The following ATP5IF1 variants were observed in gnomAD, a reference collection of about 807,000 sequenced individuals.
The protein encoded by ATP5IF1 is ATP synthase inhibitory factor subunit 1.
ATP5IF1 carries 12 observed loss-of-function variants against 8.5 expected under a neutral mutation model. The ratio of observed to expected loss-of-function variants is 1.41; its 90% CI spans 0.90 to 2.28. The LOEUF (loss-of-function observed/expected upper bound fraction) is 2.28. Among genes scored for constraint, ATP5IF1 ranks in the 30% most tolerant of loss-of-function variants. The pLI is 0.00. For missense variants in ATP5IF1, 154 were observed against 140.2 expected (o/e 1.10, Z -0.50); for synonymous variants, 51 against 53.4 (o/e 0.96, Z 0.19).
intron 2 of ATP5IF1, chr1:28,236,964 T>A: frequency 5.7e-6 from 6 of 1,054,072 alleles, no homozygotes; most frequent in Non-Finnish European, 6.9e-6. Context: ...AGAGTGAGGA[T>A]GATGGGAGCT....
Position 28,236,165 on chromosome 1 carries a change from A to AGCTCCAGCGACGCCAGG in ATP5IF1, c.-18_-17insCTCCAGCGACGCCAGGG. 1 of 1,610,922 alleles carries AGCTCCAGCGACGCCAGG rather than the reference A, an allele frequency of 6.2e-7. No homozygotes were observed. Among genetic ancestry groups the AGCTCCAGCGACGCCAGG allele is most frequent in the Non-Finnish European group, 8.5e-7 (1 of 1,179,770 alleles). On this transcript the variant is annotated 5_prime_UTR_variant, in exon 1 of 3. Coordinates refer to ENST00000335514, the MANE Select transcript of ATP5IF1 (RefSeq NM_016311.5). ...CTGCTTGCTGCGGCAGAGACGCCAG[A>AGCTCCAGCGACGCCAGG]GGTGCAGCTCCAGCAGCAATGGCAG...
chr1:28,237,649 C>A, intron 2 of ATP5IF1, 188 bp from the exon 3 acceptor site: 5 of 1,520,476 alleles, frequency 3.3e-6, no homozygotes, highest in Non-Finnish European at 4.4e-6. Context: ...CTTTGGTCTT[C>A]TTAAGATGGC....
In ATP5IF1 at chr1:28,238,019, A is replaced by G. The variant is rs777250196; in HGVS notation, c.*41A>G. 2 of 1,569,856 alleles carry G rather than the reference A, an allele frequency of 1.3e-6. No individual in the cohort carries two copies. Among genetic ancestry groups the G allele is most frequent in the African/African-American group, 1.4e-5 (1 of 73,968 alleles). On this transcript the variant is annotated 3_prime_UTR_variant, in exon 3 of 3. Coordinates refer to ENST00000335514, the MANE Select transcript of ATP5IF1 (RefSeq NM_016311.5). ...CATAGAATGGCACATGTCATTGCCC[A>G]CTTCTGTGTAGACATGGTTCTGGTT...
Position 28,236,408 on chromosome 1 carries a change from G to T in ATP5IF1, c.135G>T (p.Gly45=). The change falls in exon 2 of 3, where the codon GGG becomes GGT. Residue 45 remains glycine (G), a synonymous_variant. Coordinates refer to ENST00000335514, the MANE Select transcript of ATP5IF1 (RefSeq NM_016311.5). ...RGAGSIREAG[G]AFGKREQAEE... is the part of the protein sequence containing the mutation. ...CGGGCTCCATCCGGGAAGCCGGTGG[G>T]GCCTTCGGAAAGAGAGAGCAGGCTG... The T allele has an allele frequency of 3.1e-6, 5 of 1,614,206 alleles. No homozygotes were observed. Among genetic ancestry groups the T allele is most frequent in the African/African-American group, 1.3e-5 (1 of 75,044 alleles).
In ATP5IF1 at chr1:28,236,565, C is replaced by T. The variant is rs79599511; in HGVS notation, c.179+113C>T. On this transcript the variant is annotated intron_variant, in intron 2 of 2. Coordinates refer to ENST00000335514, the MANE Select transcript of ATP5IF1 (RefSeq NM_016311.5). ...CTGGTGCCTTGGGCGCCCCATCCCC[C>T]AACAGAACTCCCGGGCCCCAATCCA... is the stretch of plus-strand genomic sequence containing the variant. 7.6e-4 allele frequency: 1,184 copies of T among 1,557,540 alleles called. 9 individuals are homozygous for T. The African/African-American group carries it at 0.015, about 20-fold the overall frequency.
At chr1:28,236,665 G>GC in intron 2 of ATP5IF1, 1 of 1,463,726 alleles carries the variant, frequency 6.8e-7, no homozygotes, top group Non-Finnish European at 9.0e-7. Context: ...ACAGTTTCAG[G>GC]CCCCCAAACC....
chr1:28,237,233 G>C (rs1647045120), intron 2 of ATP5IF1: 1 of 994,164 alleles, frequency 1.0e-6, no homozygotes, highest in African/African-American at 1.7e-5. Flanking sequence ...CTGCCATACC[G>C]TATAGAGAGC....
rs1647036503 is a variant in ATP5IF1 at position 28,236,411 on chromosome 1, C to T, written c.138C>T (p.Ala46=). 2 of 1,614,084 alleles carry T rather than the reference C, an allele frequency of 1.2e-6. No individual in the cohort carries two copies. The highest frequency in any genetic ancestry group is 1.1e-5 in the South Asian group (1 of 91,092). The change falls in exon 2 of 3, where the codon GCC becomes GCT. Residue 46 remains alanine, a synonymous_variant. Coordinates refer to ENST00000335514, the MANE Select transcript of ATP5IF1 (RefSeq NM_016311.5). ...GAGSIREAGG[A]FGKREQAEEE... is the part of the protein sequence containing the mutation. ...GCTCCATCCGGGAAGCCGGTGGGGCCTTCGGAAAGAGAGAGCAGGCTGAAG... is the reference window on the plus strand; with the variant it reads ...GCTCCATCCGGGAAGCCGGTGGGGCTTTCGGAAAGAGAGAGCAGGCTGAAG...
chr1:28,237,731 A>G (rs751735945), intron 2 of ATP5IF1, 106 bp from the exon 3 acceptor site: 15 of 1,613,310 alleles, frequency 9.3e-6, no homozygotes, highest in Middle Eastern at 1.6e-4. Context: ...CTAGACTCCC[A>G]TGGAATTGGA....
intron 2 of ATP5IF1, chr1:28,237,065 C>T: frequency 1.0e-6 from 1 of 998,600 alleles, no homozygotes; most frequent in Non-Finnish European, 1.2e-6. Flanking sequence ...CCCTCTCCTG[C>T]TTAGGAGTAT....
intron 2 of ATP5IF1, chr1:28,236,808 C>T (rs1167260539): frequency 2.5e-6 from 3 of 1,203,590 alleles, no homozygotes; most frequent in African/African-American, 3.1e-5. Context: ...GATCCGACCG[C>T]CCAACGTTTG....
chr1:28,236,146 G>C lies in ATP5IF1; in HGVS notation c.-38G>C, dbSNP rs770197777. 4.4e-6 allele frequency: 7 copies of C among 1,607,380 alleles called. No homozygotes were observed. The highest frequency in any genetic ancestry group is 3.4e-6 in the Non-Finnish European group (4 of 1,179,534). ...ATTAGCGCGTAACGAGAGACTGCTTGCTGCGGCAGAGACGCCAGAGGTGCA... is the reference window on the plus strand; with the variant it reads ...ATTAGCGCGTAACGAGAGACTGCTTCCTGCGGCAGAGACGCCAGAGGTGCA... On this transcript the variant is annotated 5_prime_UTR_variant, in exon 1 of 3. Coordinates refer to ENST00000335514, the MANE Select transcript of ATP5IF1 (RefSeq NM_016311.5).
Position 28,236,380 on chromosome 1 carries a change from G to T in ATP5IF1, c.107G>T (p.Gly36Val). 1 of 1,614,244 alleles carries T rather than the reference G, an allele frequency of 6.2e-7. No homozygotes were observed. Among genetic ancestry groups the T allele is most frequent in the Non-Finnish European group, 8.5e-7 (1 of 1,180,042 alleles). ...CTGCAGTCCGAGAATGTCGACCGGG[G>T]CGCGGGCTCCATCCGGGAAGCCGGT... ...GSDQSENVDR[G>V]AGSIREAGGA... Residue 36 changes from glycine to valine, a missense_variant, in exon 2 of 3, where the codon GGC (glycine) becomes GTC (valine). Gly to Val is a moderately radical substitution (Grantham distance 109). Transcript: ENST00000335514.
At position 28,236,231 on chromosome 1, in the gene ATP5IF1, C is replaced by T. The variant is rs755536761; in HGVS notation, c.48C>T (p.Gly16=). 6.2e-7 allele frequency: 1 copy of T among 1,613,750 alleles called. No individual in the cohort carries two copies. Among genetic ancestry groups the T allele is most frequent in the Non-Finnish European group, 8.5e-7 (1 of 1,179,992 alleles). Reference sequence around the variant, plus strand: ...CGCGGACGTGGCTTGGCGTGTGGGGCGTGAGGACCATGCAAGCCCGAGGCT... The same window carrying T: ...CGCGGACGTGGCTTGGCGTGTGGGGTGTGAGGACCATGCAAGCCCGAGGCT... ...LAARTWLGVW[G]VRTMQARGFG... Residue 16 remains glycine, a synonymous_variant, in exon 1 of 3, where the codon GGC becomes GGT. Transcript: ENST00000335514.
chr1:28,236,956 A>T (rs897082961), intron 2 of ATP5IF1: 1 of 1,059,586 alleles, frequency 9.4e-7, no homozygotes. Context: ...ACTCCGCAAG[A>T]GTGAGGATGA....
rs1055776 is a variant in ATP5IF1 at position 28,237,985 on chromosome 1, A to G, written c.*7A>G. On this transcript the variant is annotated 3_prime_UTR_variant, in exon 3 of 3. Transcript: ENST00000335514. ...GCTAAAACATGATGATTAAGTGCAC[A>G]CCGTGTGCCATAGAATGGCACATGT... 28 of 1,606,416 alleles carry G rather than the reference A, an allele frequency of 1.7e-5. 1 individual carries two copies. The South Asian group carries it at 2.5e-4, about 15-fold the overall frequency.
intron 2 of ATP5IF1, chr1:28,237,181 C>T: frequency 4.0e-6 from 4 of 991,702 alleles, no homozygotes; most frequent in Non-Finnish European, 4.8e-6. Context: ...TGTCCTTTGG[C>T]CTTTCACTTC....
rs1428316672 is a variant in ATP5IF1 at position 28,237,436 on chromosome 1, G to A, written c.180-401G>A. 1.2e-5 allele frequency: 14 copies of A among 1,145,258 alleles called. No individual in the cohort carries two copies. In the South Asian group the frequency reaches 2.8e-4, roughly 23 times the overall value. The allele number at this position is 1,145,258 out of a possible 1,614,324, so 70.9% of individuals were successfully genotyped here. On this transcript the variant is annotated intron_variant, in intron 2 of 2. Transcript: ENST00000335514. ...TGGGCCATTCATTTCTATAGGCAAA[G>A]AAAGCTCTAGACAGATTGGAATAGG...
rs1186364241 is a variant in ATP5IF1, at chr1:28,236,150, C to G, written c.-34C>G. The G allele has an allele frequency of 6.2e-7, 1 of 1,607,736 alleles. No individual in the cohort carries two copies. Among genetic ancestry groups the G allele is most frequent in the Non-Finnish European group, 8.5e-7 (1 of 1,179,376 alleles). On this transcript the variant is annotated 5_prime_UTR_variant, in exon 1 of 3. Coordinates refer to ENST00000335514, the MANE Select transcript of ATP5IF1 (RefSeq NM_016311.5). ...GCGCGTAACGAGAGACTGCTTGCTG[C>G]GGCAGAGACGCCAGAGGTGCAGCTC...
Sources: gnomAD v4.1 joint callset for allele counts on GRCh38, gnomAD v4.1.1 for gene constraint, MANE v1.5 for transcripts, NCBI Gene and HGNC (gene_info 2026-07-23, HGNC 2026-07-21) for gene names.